Variants in VSNL1 observed in about 807,000 individuals in gnomAD.
VSNL1 encodes the protein visinin like 1.
Under a neutral mutation model 20.4 loss-of-function variants are expected in VSNL1, and 6 were observed. The observed-to-expected ratio is 0.29, with a 90% confidence interval of 0.16 to 0.58. The LOEUF (loss-of-function observed/expected upper bound fraction) is 0.58. Ranked by LOEUF, VSNL1 falls within the 20% of genes least tolerant of loss-of-function variation. The pLI, the probability that VSNL1 is intolerant of heterozygous loss-of-function variation, is 0.90. For synonymous variants in VSNL1, 93 were observed against 86.4 expected (o/e 1.08, Z -0.42); for missense variants, 100 against 234.5 (o/e 0.43, Z 3.75).
chr2:17,651,254 T>C (rs997737758), intron 3 of VSNL1, among the ~76,000 whole-genome samples: 2 of 152,220 alleles, frequency 1.3e-5, no homozygotes, highest in African/African-American at 4.8e-5. Flanking sequence ...AAGTTGACTT[T>C]ATTACTGCTT....
intron 2 of VSNL1, among the ~76,000 whole-genome samples, chr2:17,620,411 G>A (rs1665328992): frequency 1.3e-5 from 2 of 152,226 alleles, no homozygotes; most frequent in African/African-American, 4.8e-5. Context: ...AGAAATACCA[G>A]CAGGAACCTG....
At chr2:17,615,297 C>A (rs139091550) in intron 2 of VSNL1, among the ~76,000 whole-genome samples, 1 of 151,890 alleles carries the variant, frequency 6.6e-6, no homozygotes, top group Admixed American at 6.6e-5. Flanking sequence ...ATTTTTTTGT[C>A]ACTTAAAGTT....
chr2:17,555,483 C>G (rs1400594050), intron 1 of VSNL1, among the ~76,000 whole-genome samples: 3 of 152,074 alleles, frequency 2.0e-5, no homozygotes, highest in Non-Finnish European at 4.4e-5. Flanking sequence ...TCATTATCAC[C>G]TTCATAAATA....
chr2:17,638,596 C>A (rs952114581), intron 2 of VSNL1, among the ~76,000 whole-genome samples: 40 of 152,286 alleles, frequency 2.6e-4, no homozygotes, highest in African/African-American at 9.4e-4. Context: ...CTACAGGACA[C>A]GATTAGAAAG....
At chr2:17,610,578 G>A (rs1457937845) in intron 2 of VSNL1, among the ~76,000 whole-genome samples, 1 of 152,016 alleles carries the variant, frequency 6.6e-6, no homozygotes, top group Non-Finnish European at 1.5e-5. Flanking sequence ...ATCTTGCAAG[G>A]CAAGATCCTA....
At chr2:17,550,068 G>A (rs1224055626) in intron 1 of VSNL1, among the ~76,000 whole-genome samples, 2 of 152,062 alleles carry the variant, frequency 1.3e-5, no homozygotes, top group African/African-American at 2.4e-5. Flanking sequence ...TTGTAGTTAC[G>A]AGATATTGTG....
chr2:17,540,074 G>T (rs1411691738), upstream of VSNL1: 1 of 152,286 alleles, frequency 6.6e-6, no homozygotes, highest in African/African-American at 2.4e-5. Context: ...GAGACTGTCC[G>T]GGGCACTGGG....
chr2:17,539,979 A>G (rs1663239820), upstream of VSNL1: 1 of 151,694 alleles, frequency 6.6e-6, no homozygotes, highest in Admixed American at 6.6e-5. Flanking sequence ...TGCATACAGA[A>G]GGCGCTTGGC....
At chr2:17,617,308 A>T (rs973817602) in intron 2 of VSNL1, among the ~76,000 whole-genome samples, 2 of 152,170 alleles carry the variant, frequency 1.3e-5, no homozygotes, top group Non-Finnish European at 2.9e-5. Context: ...CAGCCTGGCC[A>T]ACTTGGAAAA....
intron 2 of VSNL1, among the ~76,000 whole-genome samples, chr2:17,613,162 TCCA>T (rs1329174723): frequency 6.6e-6 from 1 of 152,008 alleles, no homozygotes; most frequent in East Asian, 1.9e-4. Flanking sequence ...TTCATCACCA[TCCA>T]CCAATAGCCA....
intron 2 of VSNL1, among the ~76,000 whole-genome samples, chr2:17,643,658 G>A (rs999218997): frequency 2.2e-4 from 34 of 152,248 alleles, no homozygotes; most frequent in African/African-American, 7.5e-4. Flanking sequence ...AGGGAAAAAG[G>A]GCACGAATCC....
chr2:17,617,906 C>CAG, intron 2 of VSNL1, among the ~76,000 whole-genome samples: 1 of 152,226 alleles, frequency 6.6e-6, no homozygotes, highest in Admixed American at 6.5e-5. Flanking sequence ...CACACACACA[C>CAG]ACACCCCACC....
intron 1 of VSNL1, among the ~76,000 whole-genome samples, chr2:17,562,492 G>A (rs1663839063): frequency 6.6e-6 from 1 of 152,044 alleles, no homozygotes; most frequent in Non-Finnish European, 1.5e-5. Flanking sequence ...AGAAACCAAA[G>A]CAAAAAGCAT....
At chr2:17,624,281 G>C (rs920993473) in intron 2 of VSNL1, among the ~76,000 whole-genome samples, 2 of 152,164 alleles carry the variant, frequency 1.3e-5, no homozygotes, top group Admixed American at 6.5e-5. Context: ...AGGCTCACTC[G>C]CTGGGAAACC....
intron 2 of VSNL1, among the ~76,000 whole-genome samples, chr2:17,602,612 T>C (rs1664846223): frequency 6.6e-6 from 1 of 152,064 alleles, no homozygotes; most frequent in African/African-American, 2.4e-5. Flanking sequence ...GTATGGTGCA[T>C]GCCTGTAATC....
chr2:17,611,942 T>C (rs1665099780), intron 2 of VSNL1, among the ~76,000 whole-genome samples: 1 of 152,228 alleles, frequency 6.6e-6, no homozygotes, highest in African/African-American at 2.4e-5. Context: ...TTCAGGGGAC[T>C]TTCTTTATGT....
At chr2:17,556,006 A>T (rs1294862706) in intron 1 of VSNL1, among the ~76,000 whole-genome samples, 4 of 152,210 alleles carry the variant, frequency 2.6e-5, no homozygotes, top group Non-Finnish European at 5.9e-5. Flanking sequence ...ACGAGTGTTA[A>T]AATGATGGTA....
intron 2 of VSNL1, among the ~76,000 whole-genome samples, chr2:17,629,644 C>G (rs969854500): frequency 6.6e-6 from 1 of 152,254 alleles, no homozygotes; most frequent in African/African-American, 2.4e-5. Context: ...CAGCAATACC[C>G]CCTGCCATGC....
chr2:17,568,437 T>G (rs917552829), intron 1 of VSNL1, among the ~76,000 whole-genome samples: 1 of 152,172 alleles, frequency 6.6e-6, no homozygotes, highest in African/African-American at 2.4e-5. Context: ...CAGACAAGTA[T>G]ATACATATTT....
Sources: allele counts gnomAD v4.1 joint callset (sites outside exome capture counted in the v4.1 genomes callset), GRCh38; gene constraint gnomAD v4.1.1; transcripts MANE v1.5; gene names NCBI Gene and HGNC (gene_info 2026-07-23, HGNC 2026-07-21).